FRG1: variants seen among roughly 807,000 people sequenced by gnomAD.
The protein encoded by FRG1 is protein FRG1.
FRG1 carries 19 observed loss-of-function variants against 37.0 expected under a neutral mutation model. The ratio of observed to expected loss-of-function variants is 0.51; its 90% CI spans 0.36 to 0.75. The LOEUF (loss-of-function observed/expected upper bound fraction) is 0.75, where lower values mean the gene tolerates loss of function less well. Ranked by LOEUF, FRG1 falls within the 30% of genes least tolerant of loss-of-function variation. FRG1 has a pLI of 0.00. For missense variants in FRG1, 243 were observed against 301.4 expected, an observed-to-expected ratio of 0.81 and a Z score of 1.44; for synonymous variants, 73 against 96.5, an observed-to-expected ratio of 0.76 and a Z score of 1.43.
rs140599307 is a variant in FRG1 at position 189,955,101 on chromosome 4, C to T, written c.382C>T (p.Arg128Cys). 8.1e-6 allele frequency: 13 copies of T among 1,613,038 alleles called. No homozygotes were observed. The highest frequency in any genetic ancestry group is 1.3e-5 in the African/African-American group (1 of 74,794). ...GINSDGLVVG[R>C]SDAIGPREQW... is the part of the protein sequence containing the mutation. Reference sequence around the variant, plus strand: ...AAATTCAGATGGACTTGTTGTTGGGCGTTCAGATGCAATTGGACCAAGAGA... The same window carrying T: ...AAATTCAGATGGACTTGTTGTTGGGTGTTCAGATGCAATTGGACCAAGAGA... The change falls in exon 5 of 9, where the codon CGT (arginine) becomes TGT (cysteine). Residue 128 changes from arginine to cysteine, a missense_variant. Arg to Cys is a radical substitution (Grantham distance 180). Around this residue, in one of 2 missense-constraint regions of FRG1, gnomAD observed 133 missense variants for 199.3 expected, o/e 0.67. Coordinates refer to ENST00000226798, the MANE Select transcript of FRG1 (RefSeq NM_004477.3).
intron 2 of FRG1, among the ~76,000 whole-genome samples, chr4:189,948,091 C>T (rs1403639685): frequency 2.0e-5 from 3 of 152,136 alleles, no homozygotes; most frequent in South Asian, 2.1e-4. Flanking sequence ...AGTCCTTCTG[C>T]GTCTTTTTCT....
Position 189,956,555 on chromosome 4 carries a change from A to T in FRG1, c.433-843A>T, listed in dbSNP as rs4145510. Reference sequence around the variant, plus strand: ...GGTTTAAATCGTCTTGGACCACACCACCATGTTCCAGGGCTCACCAGGAGC... The same window carrying T: ...GGTTTAAATCGTCTTGGACCACACCTCCATGTTCCAGGGCTCACCAGGAGC... On this transcript the variant is annotated intron_variant, in intron 5 of 8. Coordinates refer to ENST00000226798, the MANE Select transcript of FRG1 (RefSeq NM_004477.3). Among the ~76,000 whole-genome samples the T allele has an allele frequency of 6.0e-4, 91 of 152,124 alleles. 2 individuals carry two copies. Among genetic ancestry groups the T allele is most frequent in the Non-Finnish European group, 5.1e-4 (35 of 67,990 alleles).
intron 7 of FRG1, 158 bp downstream of exon 7, chr4:189,960,997 G>A (rs1737204350): frequency 1.4e-6 from 1 of 718,850 alleles, no homozygotes; most frequent in South Asian, 1.9e-5. Flanking sequence ...GAGCCCAGGA[G>A]TTCAAGGCTG....
intron 2 of FRG1, among the ~76,000 whole-genome samples, chr4:189,946,028 G>A (rs1214734747): frequency 6.6e-6 from 1 of 152,036 alleles, no homozygotes; most frequent in Non-Finnish European, 1.5e-5. Context: ...GGATTTATTG[G>A]CATAGAATTG....
chr4:189,954,415 T>A (rs1736891623), intron 4 of FRG1, among the ~76,000 whole-genome samples: 1 of 152,178 alleles, frequency 6.6e-6, no homozygotes, highest in East Asian at 1.9e-4. Context: ...AAAAGTAAGT[T>A]TTAGTAATTT....
chr4:189,943,070 T>G, intron 1 of FRG1, 132 bp from the exon 2 acceptor site: 1 of 978,372 alleles, frequency 1.0e-6, no homozygotes, highest in Admixed American at 2.6e-5. Flanking sequence ...TAAGAGGGCA[T>G]ATCAATGTAA....
rs200903589 is a variant in FRG1, at chr4:189,940,988, C to G, written c.-22C>G. The G allele has an allele frequency of 6.2e-7, 1 of 1,609,102 alleles. No homozygotes were observed. Among genetic ancestry groups the G allele is most frequent in the Non-Finnish European group, 8.5e-7 (1 of 1,176,040 alleles). ...CGTCCAGAACCGGCCTCAGCCTCTCCGCGCAGAAGTTTCCCGGAGCCATGG... is the reference window on the plus strand; with the variant it reads ...CGTCCAGAACCGGCCTCAGCCTCTCGGCGCAGAAGTTTCCCGGAGCCATGG... On this transcript the variant is annotated 5_prime_UTR_variant, in exon 1 of 9. Transcript: ENST00000226798.
intron 5 of FRG1, among the ~76,000 whole-genome samples, chr4:189,956,280 T>C (rs2126817077): frequency 6.6e-6 from 1 of 152,290 alleles, no homozygotes; most frequent in Admixed American, 6.5e-5. Flanking sequence ...CGCTAATGTG[T>C]TGCAACCCCT....
intron 2 of FRG1, 78 bp downstream of exon 2, chr4:189,943,350 G>A: frequency 6.7e-7 from 1 of 1,483,566 alleles, no homozygotes; most frequent in Non-Finnish European, 9.1e-7. Flanking sequence ...TTCCTAGTTA[G>A]AAATTTATGA....
At position 189,943,274 on chromosome 4, in the gene FRG1, T is replaced by G. The variant is rs1736397553; in HGVS notation, c.133+2T>G. 1 of 1,606,144 alleles carries G rather than the reference T, an allele frequency of 6.2e-7. No individual in the cohort carries two copies. The highest frequency in any genetic ancestry group is 1.3e-5 in the African/African-American group (1 of 74,464). Reference sequence around the variant, plus strand: ...AAGAAACCCAGCTTGATATTGTTGGTGAGTCAGTTTTCAGTGCTCTATTCT... The same window carrying G: ...AAGAAACCCAGCTTGATATTGTTGGGGAGTCAGTTTTCAGTGCTCTATTCT... On this transcript the variant is annotated splice_donor_variant, in intron 2 of 8. Coordinates refer to ENST00000226798, the MANE Select transcript of FRG1 (RefSeq NM_004477.3). LOFTEE classifies it high-confidence loss of function.
At position 189,943,395 on chromosome 4, in the gene FRG1, A is replaced by G. The variant is rs1350900055; in HGVS notation, c.133+123A>G. On this transcript the variant is annotated intron_variant, in intron 2 of 8. Coordinates refer to ENST00000226798, the MANE Select transcript of FRG1 (RefSeq NM_004477.3). Reference sequence around the variant, plus strand: ...ATTTGTCTTAAAGTGCTTAAATATTACCTACAGTTATAAATTCCATTTATT... The same window carrying G: ...ATTTGTCTTAAAGTGCTTAAATATTGCCTACAGTTATAAATTCCATTTATT... 7.6e-6 allele frequency: 8 copies of G among 1,054,492 alleles called. No homozygotes were observed. In the African/African-American group the frequency reaches 1.3e-4, roughly 17 times the overall value. 65.3% of individuals were successfully genotyped at this position (1,054,492 alleles called of 1,614,324 possible).
At chr4:189,945,228 C>T (rs1736475266) in intron 2 of FRG1, among the ~76,000 whole-genome samples, 1 of 152,158 alleles carries the variant, frequency 6.6e-6, no homozygotes. Flanking sequence ...TTCTTTCTTT[C>T]TAATCCTTTT....
chr4:189,943,078 T>G (rs1736386245), intron 1 of FRG1, 124 bp from the exon 2 acceptor site: 2 of 1,091,704 alleles, frequency 1.8e-6, no homozygotes, highest in Non-Finnish European at 2.6e-6. Flanking sequence ...CATATCAATG[T>G]AAGTCTTCCT....
chr4:189,949,943 A>T (rs1290301628), intron 2 of FRG1, among the ~76,000 whole-genome samples: 2 of 152,188 alleles, frequency 1.3e-5, no homozygotes, highest in Non-Finnish European at 2.9e-5. Context: ...TGGCATTTAA[A>T]TACATGCACC....
chr4:189,941,797 G>C (rs1214097560), intron 1 of FRG1: 1 of 410,514 alleles, frequency 2.4e-6, no homozygotes, highest in Non-Finnish European at 4.8e-6. Context: ...AAAAATACCT[G>C]TGCACTCATA....
rs1269225315 is a variant in FRG1 at position 189,940,900 on chromosome 4, G to T, written c.-110G>T. On this transcript the variant is annotated 5_prime_UTR_variant, in exon 1 of 9. Coordinates refer to ENST00000226798, the MANE Select transcript of FRG1 (RefSeq NM_004477.3). ...TTCTACAGAGACGTAGGCTGTCAGG[G>T]AGTGTTTATTTCGCGTCCGCTTCTG... 3.8e-5 allele frequency: 29 copies of T among 756,024 alleles called. No individual in the cohort carries two copies. Among genetic ancestry groups the T allele is most frequent in the Non-Finnish European group, 6.1e-5 (27 of 441,522 alleles). The allele number at this position is 756,024 out of a possible 1,614,324, so 46.8% of individuals were successfully genotyped here. A position where few individuals can be genotyped will look rare whatever the true frequency, so the allele number is the denominator to read the frequency against.
At chr4:189,955,997 T>G (rs1403022846) in intron 5 of FRG1, among the ~76,000 whole-genome samples, 3 of 152,190 alleles carry the variant, frequency 2.0e-5, no homozygotes, top group Non-Finnish European at 4.4e-5. Flanking sequence ...GGTAATCACT[T>G]AGACTAATTT....
At chr4:189,955,654 AAAGAT>A (rs1484122059) in intron 5 of FRG1, among the ~76,000 whole-genome samples, 1 of 152,160 alleles carries the variant, frequency 6.6e-6, no homozygotes, top group Admixed American at 6.5e-5. Flanking sequence ...TAAGAAGAAA[AAAGAT>A]AATATACTAA....
chr4:189,961,667 C>G (rs1477312783), intron 7 of FRG1, 155 bp from the exon 8 acceptor site: 1 of 483,700 alleles, frequency 2.1e-6, no homozygotes, highest in Non-Finnish European at 3.7e-6. Context: ...CTTGGCCTCC[C>G]AAAGTGCTGG....
Sources: allele counts gnomAD v4.1 joint callset (sites outside exome capture counted in the v4.1 genomes callset), GRCh38; gene constraint gnomAD v4.1.1; regional missense constraint gnomAD v4.1.1; transcripts MANE v1.5; gene names NCBI Gene and HGNC (gene_info 2026-07-23, HGNC 2026-07-21).